Variants in TBL1X observed in about 807,000 individuals in gnomAD.
TBL1X encodes the protein transducin beta like 1 X-linked.
TBL1X carries 10 observed loss-of-function variants against 50.7 expected under a neutral mutation model. That is an observed-to-expected ratio of 0.20 (90% CI 0.12 to 0.33). TBL1X has a LOEUF of 0.33. TBL1X is among the 10% of genes least tolerant of loss of function. The pLI is 1.00. For missense variants in TBL1X, 340 were observed against 504.4 expected, an observed-to-expected ratio of 0.67 and a Z score of 3.12; for synonymous variants, 190 against 214.7, an observed-to-expected ratio of 0.88 and a Z score of 1.01.
chrX:9,524,724 T>C (rs2082124005), intron 2 of TBL1X, among the ~76,000 whole-genome samples: 1 of 112,285 alleles, frequency 8.9e-6, no homozygotes, highest in African/African-American at 3.2e-5. Context: ...CTTTCAGTTC[T>C]TTGATGTGTG....
chrX:9,683,463 G>C (rs150817984), intron 5 of TBL1X, among the ~76,000 whole-genome samples: 1 of 112,061 alleles, frequency 8.9e-6, no homozygotes, highest in East Asian at 2.8e-4. Flanking sequence ...CCAGTGTTTT[G>C]AGAAAATGAC....
chrX:9,535,485 C>T (rs1335382263), intron 2 of TBL1X, among the ~76,000 whole-genome samples: 2 of 112,327 alleles, frequency 1.8e-5, no homozygotes, highest in Admixed American at 9.4e-5. Flanking sequence ...GTCTCCCCTG[C>T]ATACCTGATC....
Position 9,719,117 on chromosome X carries a change from G to A in TBL1X, c.*2871G>A, listed in dbSNP as rs1276105900. On this transcript the variant is annotated 3_prime_UTR_variant, in exon 18 of 18. Transcript: ENST00000645353. ...AATGCCTAAGTCTTAGTGACCAAAC[G>A]TGACCTTGAAAGCAGACATAGCATG... The A allele has an allele frequency of 8.9e-6, 1 of 112,049 alleles. No individual in the cohort carries two copies. The highest frequency in any genetic ancestry group is 3.2e-5 in the African/African-American group (1 of 30,780). The allele number at this position is 112,049 out of a possible 1,213,427, so 9.2% of individuals were successfully genotyped here.
chrX:9,702,542 G>A (rs1318074330), intron 12 of TBL1X, among the ~76,000 whole-genome samples: 1 of 106,602 alleles, frequency 9.4e-6, no homozygotes, highest in Non-Finnish European at 1.9e-5. Context: ...GGAGTTCGAG[G>A]CTGCAGCGAG....
At chrX:9,574,459 GAAAAAAAA>G (rs376384853) in intron 2 of TBL1X, among the ~76,000 whole-genome samples, 1,044 of 30,128 alleles carry the variant, frequency 0.035, 16 homozygotes, top group African/African-American at 0.097. Context: ...TGTCTCAAAT[GAAAAAAAA>G]AAAAAAAAAA....
At chrX:9,668,452 C>G (rs1376871330) in intron 5 of TBL1X, among the ~76,000 whole-genome samples, 1 of 111,068 alleles carries the variant, frequency 9.0e-6, no homozygotes, top group Non-Finnish European at 1.9e-5. Flanking sequence ...TATTCAGAAT[C>G]AAGAAAATGT....
chrX:9,590,183 A>G (rs1008618144), intron 2 of TBL1X, among the ~76,000 whole-genome samples: 2 of 111,514 alleles, frequency 1.8e-5, no homozygotes, highest in African/African-American at 6.5e-5. Context: ...AACCGGTGAA[A>G]TTGGGTAAGT....
intron 2 of TBL1X, among the ~76,000 whole-genome samples, chrX:9,551,803 C>G (rs935496023): frequency 1.8e-4 from 20 of 111,937 alleles, no homozygotes; most frequent in African/African-American, 6.5e-4. Context: ...CACACGCACG[C>G]TGGCCACTCT....
chrX:9,710,603 G>A (rs1248504855), intron 15 of TBL1X, among the ~76,000 whole-genome samples: 2 of 112,204 alleles, frequency 1.8e-5, no homozygotes, highest in African/African-American at 6.5e-5. Context: ...GGTACCTAAT[G>A]GGTCCCTGTT....
At chrX:9,567,493 C>T (rs1157356995) in intron 2 of TBL1X, among the ~76,000 whole-genome samples, 1 of 111,862 alleles carries the variant, frequency 8.9e-6, no homozygotes, top group Admixed American at 9.4e-5. Context: ...ATCAACCTTC[C>T]TCACCCCACA....
At chrX:9,607,593 G>C (rs1210014008) in intron 2 of TBL1X, among the ~76,000 whole-genome samples, 1 of 112,372 alleles carries the variant, frequency 8.9e-6, no homozygotes, top group Non-Finnish European at 1.9e-5. Flanking sequence ...CACAGCTTGT[G>C]GCCCTGGCCC....
chrX:9,705,740 A>AG (rs1309570204), intron 13 of TBL1X, among the ~76,000 whole-genome samples: 5 of 109,886 alleles, frequency 4.6e-5, no homozygotes, highest in Non-Finnish European at 5.7e-5. Context: ...AAAAAAAAAA[A>AG]AAAGAAAAGA....
intron 1 of TBL1X, among the ~76,000 whole-genome samples, chrX:9,474,380 C>T (rs2081836223): frequency 8.8e-6 from 1 of 113,256 alleles, no homozygotes; most frequent in African/African-American, 3.2e-5. Flanking sequence ...CCCCTTTCCT[C>T]TGACTTCAGC....
intron 3 of TBL1X, among the ~76,000 whole-genome samples, chrX:9,651,362 C>T (rs1250416857): frequency 8.9e-6 from 1 of 112,016 alleles, no homozygotes; most frequent in Admixed American, 9.5e-5. Flanking sequence ...TTTTTTCAGT[C>T]CATTCTTTTT....
chrX:9,587,254 G>A (rs1176608711), intron 2 of TBL1X, among the ~76,000 whole-genome samples: 3 of 112,031 alleles, frequency 2.7e-5, no homozygotes, highest in African/African-American at 9.7e-5. Flanking sequence ...CGCGGCTTGC[G>A]CTTGGAGCTT....
At chrX:9,657,619 C>T (rs1489538729) in intron 5 of TBL1X, among the ~76,000 whole-genome samples, 6 of 112,598 alleles carry the variant, frequency 5.3e-5, no homozygotes, top group Non-Finnish European at 9.4e-5. Context: ...GTCAGGTCAT[C>T]TGGCTTTTAG....
At chrX:9,597,910 C>T (rs193079417) in intron 2 of TBL1X, among the ~76,000 whole-genome samples, 56 of 111,881 alleles carry the variant, frequency 5.0e-4, no homozygotes, top group African/African-American at 1.7e-3. Flanking sequence ...GATTGGGCTT[C>T]ATGCGTTAGT....
chrX:9,502,555 AC>A (rs1047445807), intron 2 of TBL1X, among the ~76,000 whole-genome samples: 9 of 111,961 alleles, frequency 8.0e-5, no homozygotes, highest in Middle Eastern at 4.6e-3. Flanking sequence ...TGGGGTACTT[AC>A]CAGCTGGCAA....
chrX:9,653,835 G>C, intron 4 of TBL1X, 146 bp downstream of exon 4: 1 of 537,326 alleles, frequency 1.9e-6, no homozygotes, highest in East Asian at 3.7e-5. Flanking sequence ...TGCACTTTGG[G>C]ATTCCATTCC....
Sources: allele counts gnomAD v4.1 joint callset (sites outside exome capture counted in the v4.1 genomes callset), GRCh38; gene constraint gnomAD v4.1.1; transcripts MANE v1.5; gene names NCBI Gene and HGNC (gene_info 2026-07-23, HGNC 2026-07-21).